ZC3HC1: variants seen among roughly 807,000 people sequenced by gnomAD.
ZC3HC1 encodes the protein zinc finger C3HC-type protein 1.
ZC3HC1 carries 38 observed loss-of-function variants against 61.9 expected under a neutral mutation model. The observed-to-expected ratio is 0.61, with a 90% CI of 0.47 to 0.81. The LOEUF (loss-of-function observed/expected upper bound fraction) is 0.81, where lower values mean the gene tolerates loss of function less well. Among genes scored for constraint, ZC3HC1 ranks in the 30% least tolerant of loss-of-function variants. The probability of loss-of-function intolerance (pLI) is 0.00; values close to 1 mark genes in which losing one functional copy is unlikely to be tolerated. For synonymous variants in ZC3HC1, 213 were observed against 229.9 expected (o/e 0.93, Z 0.67); for missense variants, 554 against 622.7 (o/e 0.89, Z 1.17).
chr7:130,042,775 T>C (rs1180381132), intron 2 of ZC3HC1, among the ~76,000 whole-genome samples: 1 of 152,148 alleles, frequency 6.6e-6, no homozygotes, highest in South Asian at 2.1e-4. Flanking sequence ...CTCTGCCTCC[T>C]GGGTTCAACC....
intron 2 of ZC3HC1, 49 bp from the exon 3 acceptor site, chr7:130,041,150 GTGTA>G (rs755297726): frequency 1.8e-5 from 25 of 1,368,718 alleles, no homozygotes; most frequent in Admixed American, 1.2e-4. Flanking sequence ...ATATATGTGT[GTGTA>G]TGTGTGTGTG....
chr7:130,049,701 G>A (rs1794999924), intron 1 of ZC3HC1, among the ~76,000 whole-genome samples: 1 of 150,862 alleles, frequency 6.6e-6, no homozygotes. Flanking sequence ...CGTACCACCA[G>A]GCGTGGGCCC....
chr7:130,046,524 T>C (rs1443276037), intron 2 of ZC3HC1, among the ~76,000 whole-genome samples: 1 of 151,490 alleles, frequency 6.6e-6, no homozygotes, highest in Non-Finnish European at 1.5e-5. Context: ...GGAGAATTGC[T>C]TAAACCCAGG....
At chr7:130,039,039 T>C (rs1253917378) in intron 4 of ZC3HC1, among the ~76,000 whole-genome samples, 1 of 150,256 alleles carries the variant, frequency 6.7e-6, no homozygotes, top group Admixed American at 6.6e-5. Flanking sequence ...ATAATGCAAA[T>C]AGAAAAGGAG....
At chr7:130,026,445 G>A in intron 5 of ZC3HC1, 133 bp from the exon 6 acceptor site, 2 of 927,828 alleles carry the variant, frequency 2.2e-6, no homozygotes, top group East Asian at 2.6e-5. Flanking sequence ...TCTCTTCACA[G>A]AGAACAAAAT....
rs770071792 is a variant in ZC3HC1 at position 130,023,575 on chromosome 7, A to G, written c.1169T>C (p.Leu390Pro). 1.9e-6 allele frequency: 3 copies of G among 1,614,154 alleles called. No homozygotes were observed. The highest frequency in any genetic ancestry group is 1.7e-5 in the Admixed American group (1 of 60,000). The change falls in exon 8 of 10, where the codon CTG (leucine) becomes CCG (proline). Residue 390 changes from leucine (L) to proline (P), a missense_variant. By Grantham distance (98) the Leu-to-Pro change is moderately conservative. Coordinates refer to ENST00000358303, the MANE Select transcript of ZC3HC1 (RefSeq NM_016478.5). The surrounding 1 kb of genome is among the most constrained non-coding windows in gnomAD (Gnocchi z 4.2). ...RSMGTGDTPGLEVPSSPLRKA... is the reference protein window; with the variant it reads ...RSMGTGDTPGPEVPSSPLRKA... ...CCGCAGAGGGCTAGATGGTACCTCCAGGCCAGGGGTGTCTCCTGTTCCCAT... is the reference window on the plus strand; with the variant it reads ...CCGCAGAGGGCTAGATGGTACCTCCGGGCCAGGGGTGTCTCCTGTTCCCAT...
At chr7:130,049,914 C>T (rs1795010733) in intron 1 of ZC3HC1, among the ~76,000 whole-genome samples, 1 of 105,506 alleles carries the variant, frequency 9.5e-6, no homozygotes, top group South Asian at 3.7e-4. Flanking sequence ...ACCTTTCATA[C>T]CCACTCCTTC....
At chr7:130,033,685 C>A (rs1331815198) in intron 4 of ZC3HC1, among the ~76,000 whole-genome samples, 3 of 152,108 alleles carry the variant, frequency 2.0e-5, no homozygotes, top group African/African-American at 7.2e-5. Context: ...AACTCCTGAC[C>A]TCGTGATCTG....
chr7:130,036,968 T>C (rs1240076699), intron 4 of ZC3HC1: 2 of 152,214 alleles, frequency 1.3e-5, no homozygotes, highest in East Asian at 3.8e-4. Flanking sequence ...TCCAGGTACC[T>C]ATAATATTAA....
intron 4 of ZC3HC1, among the ~76,000 whole-genome samples, chr7:130,034,353 C>T (rs1477051889): frequency 6.6e-6 from 1 of 151,518 alleles, no homozygotes; most frequent in East Asian, 1.9e-4. Context: ...GGTGTGGTGG[C>T]GGGCGCCTGT....
chr7:130,048,766 A>C (rs868650644), intron 2 of ZC3HC1, among the ~76,000 whole-genome samples: 22 of 152,168 alleles, frequency 1.4e-4, no homozygotes, highest in South Asian at 6.2e-4. Flanking sequence ...CGAATGTGAT[A>C]ATATATACAA....
chr7:130,051,393 CGA>C, upstream of ZC3HC1: 2 of 1,612,452 alleles, frequency 1.2e-6, no homozygotes, highest in Non-Finnish European at 1.7e-6. Context: ...GTTGCTTCCC[CGA>C]GAGTTTGAAG....
intron 6 of ZC3HC1, among the ~76,000 whole-genome samples, chr7:130,025,893 AAG>A (rs1563075623): frequency 7.9e-4 from 119 of 150,228 alleles, no homozygotes; most frequent in African/African-American, 1.0e-3. Context: ...AAAAAAAAAA[AAG>A]AGAACACAAA....
At chr7:130,040,841 G>A in intron 3 of ZC3HC1, 110 bp downstream of exon 3, 1 of 1,004,062 alleles carries the variant, frequency 1.0e-6, no homozygotes, top group Non-Finnish European at 1.4e-6. Context: ...AAAAAAGATT[G>A]AAGTACGCAT....
intron 4 of ZC3HC1, among the ~76,000 whole-genome samples, chr7:130,031,949 G>A (rs1450746112): frequency 6.6e-6 from 1 of 152,200 alleles, no homozygotes; most frequent in East Asian, 1.9e-4. Flanking sequence ...TTTGAGGCCG[G>A]GCACAGTGGC....
chr7:130,018,543 C>G lies in ZC3HC1; in HGVS notation c.*121G>C, dbSNP rs1584831558. The G allele has an allele frequency of 3.9e-6, 3 of 763,088 alleles. No individual in the cohort carries two copies. 47.3% of individuals were successfully genotyped at this position (763,088 alleles called of 1,614,324 possible). On this transcript the variant is annotated 3_prime_UTR_variant, in exon 10 of 10. Transcript: ENST00000358303. ...TCACTGCCTTTGCTATGGCAGGGGG[C>G]TCCTTATGATTAACCCAGAACAGGA...
chr7:130,021,037 A>T (rs979717333), intron 9 of ZC3HC1, among the ~76,000 whole-genome samples: 2 of 152,006 alleles, frequency 1.3e-5, no homozygotes, highest in Non-Finnish European at 2.9e-5. Context: ...AGCTGGGATT[A>T]CAGGCGCCTG....
intron 4 of ZC3HC1, among the ~76,000 whole-genome samples, chr7:130,036,161 G>A (rs1186218579): frequency 6.8e-6 from 1 of 147,176 alleles, no homozygotes; most frequent in East Asian, 2.0e-4. Flanking sequence ...TGGTGCACTT[G>A]TTGACTCTGC....
rs368430228 is a variant in ZC3HC1 at position 130,018,783 on chromosome 7, A to T, written c.1441-51T>A. 1.9e-5 allele frequency: 28 copies of T among 1,496,166 alleles called. No homozygotes were observed. In the African/African-American group the frequency reaches 2.6e-4, roughly 14 times the overall value. 92.7% of individuals were successfully genotyped at this position (1,496,166 alleles called of 1,614,324 possible). ...GTGATTACGTTCTTTTATAGAGACA[A>T]AGGATAGATCATTTGTCCCACAATG... On this transcript the variant is annotated intron_variant, in intron 9 of 9. Transcript: ENST00000358303.
Sources: gnomAD v4.1 joint callset for allele counts (sites outside exome capture counted in the v4.1 genomes callset) on GRCh38, gnomAD v4.1.1 for gene constraint, Gnocchi (gnomAD v3.1) non-coding constraint, MANE v1.5 for transcripts, NCBI Gene and HGNC (gene_info 2026-07-23, HGNC 2026-07-21) for gene names.